VWA3B: variants seen among roughly 807,000 people sequenced by gnomAD.
VWA3B encodes the protein von Willebrand factor A domain-containing protein 3B.
VWA3B carries 138 observed loss-of-function variants against 158.3 expected under a neutral mutation model. The ratio of observed to expected loss-of-function variants is 0.87; its 90% CI spans 0.76 to 1.00. VWA3B has a LOEUF of 1.00. VWA3B is among the 50% of genes least tolerant of loss of function. The pLI is 0.00. For missense variants in VWA3B, 1,555 were observed against 1,565.1 expected, an observed-to-expected ratio of 0.99 and a Z score of 0.11; for synonymous variants, 596 against 587.3, an observed-to-expected ratio of 1.01 and a Z score of -0.21.
At chr2:98,218,088 G>T in intron 14 of VWA3B, 60 bp downstream of exon 14, 4 of 1,508,608 alleles carry the variant, frequency 2.7e-6, no homozygotes, top group Non-Finnish European at 3.5e-6. Context: ...CAGGCTGGCG[G>T]TCCCTGGGTA....
intron 6 of VWA3B, 88 bp downstream of exon 6, chr2:98,128,496 T>A: frequency 1.4e-6 from 2 of 1,391,626 alleles, no homozygotes; most frequent in Non-Finnish European, 2.0e-6. Context: ...TTCGTGGCTT[T>A]AACCAATCTG....
intron 8 of VWA3B, among the ~76,000 whole-genome samples, chr2:98,176,736 C>T (rs550143162): frequency 6.6e-6 from 1 of 152,328 alleles, no homozygotes; most frequent in South Asian, 2.1e-4. Context: ...GTAAGCCCCA[C>T]TGCCCATTCC....
At chr2:98,272,942 G>A (rs1054567325) in intron 22 of VWA3B, among the ~76,000 whole-genome samples, 2 of 152,104 alleles carry the variant, frequency 1.3e-5, no homozygotes, top group Admixed American at 6.6e-5. Context: ...GCCAGGTTAT[G>A]GGCAGCAAGA....
intron 7 of VWA3B, 154 bp downstream of exon 7, chr2:98,134,093 GGTGA>G (rs1676076305): frequency 3.0e-6 from 2 of 656,762 alleles, no homozygotes. Context: ...GGATATTAGT[GGTGA>G]GTTTGTCAGC....
intron 24 of VWA3B, among the ~76,000 whole-genome samples, chr2:98,298,454 A>G (rs1286971426): frequency 4.0e-5 from 6 of 151,744 alleles, no homozygotes; most frequent in Non-Finnish European, 8.8e-5. Context: ...ATGCCATGCC[A>G]TGCCATGCCA....
chr2:98,310,028 C>T (rs904081773), intron 26 of VWA3B, among the ~76,000 whole-genome samples: 4 of 152,204 alleles, frequency 2.6e-5, no homozygotes, highest in African/African-American at 4.8e-5. Context: ...CACAGAGATT[C>T]GCCAGCCTTC....
chr2:98,300,253 G>A (rs751836703), intron 25 of VWA3B, 37 bp downstream of exon 25: 2 of 1,612,602 alleles, frequency 1.2e-6, no homozygotes, highest in African/African-American at 1.3e-5. Context: ...ACTTTCTCCT[G>A]GGCAATGCCA....
At chr2:98,088,729 A>G (rs920006231) in intron 1 of VWA3B, among the ~76,000 whole-genome samples, 1 of 152,036 alleles carries the variant, frequency 6.6e-6, no homozygotes, top group African/African-American at 2.4e-5. Flanking sequence ...AATAAATAGC[A>G]TAGTTTTATC....
intron 2 of VWA3B, among the ~76,000 whole-genome samples, chr2:98,094,284 T>A (rs542644997): frequency 1.5e-3 from 235 of 152,300 alleles, no homozygotes; most frequent in Non-Finnish European, 2.9e-3. Context: ...TATCCTTTTC[T>A]CCATATCCTT....
At chr2:98,089,409 T>C (rs1201760670) in intron 1 of VWA3B, among the ~76,000 whole-genome samples, 2 of 152,038 alleles carry the variant, frequency 1.3e-5, no homozygotes, top group African/African-American at 4.8e-5. Context: ...TCGGGGAGGC[T>C]TAATGGCAGA....
At position 98,092,166 on chromosome 2, in the gene VWA3B, A is replaced by G. The variant is rs1302367105; in HGVS notation, c.-32-895A>G. The stretch of plus-strand genomic sequence containing the variant: ...TGTGGTCTGGTTCCCAACCGCCACC[A>G]GCTCCCAATTAGCCACTACACCTGT... On this transcript the variant is annotated intron_variant, in intron 1 of 27. Coordinates refer to ENST00000477737, the MANE Select transcript of VWA3B (RefSeq NM_144992.5). Among the ~76,000 whole-genome samples the G allele has an allele frequency of 2.6e-5, 4 of 152,350 alleles. No individual in the cohort carries two copies. The East Asian group carries it at 7.7e-4, about 29-fold the overall frequency.
intron 11 of VWA3B, among the ~76,000 whole-genome samples, chr2:98,193,394 G>A (rs953917689): frequency 1.4e-4 from 21 of 152,240 alleles, no homozygotes; most frequent in South Asian, 6.2e-4. Flanking sequence ...CATGGGAGGC[G>A]TGCAGGCTGG....
At position 98,230,172 on chromosome 2, in the gene VWA3B, A is replaced by T. The variant is rs1252332812; in HGVS notation, c.2273A>T (p.Asp758Val). ...TTGAAGGGACCATGGGGCCTTTCAG[A>T]TCAAAAGGTTCAGAAAAAGAAAGTC... is the stretch of plus-strand genomic sequence containing the variant. ...NMLKGPWGLS[D>V]QKVQKKKVLH... Residue 758 changes from aspartate (D) to valine (V), a missense_variant, in exon 16 of 28, where the codon GAT (aspartate) becomes GTT (valine). By Grantham distance (152) the Asp-to-Val change is radical. Transcript: ENST00000477737. 1 of 1,592,186 alleles carries T rather than the reference A, an allele frequency of 6.3e-7. No individual in the cohort carries two copies. The highest frequency in any genetic ancestry group is 8.5e-7 in the Non-Finnish European group (1 of 1,174,290).
intron 2 of VWA3B, among the ~76,000 whole-genome samples, chr2:98,100,087 G>A (rs186825348): frequency 8.5e-5 from 13 of 152,254 alleles, no homozygotes; most frequent in Admixed American, 5.9e-4. Flanking sequence ...TCACTAGCAC[G>A]TTACTATGTT....
rs1466944 is a variant in VWA3B at position 98,312,466 on chromosome 2, A to C, written c.*117A>C. 3.1e-6 allele frequency: 4 copies of C among 1,298,158 alleles called. No individual in the cohort carries two copies. Among genetic ancestry groups the C allele is most frequent in the Non-Finnish European group, 4.1e-6 (4 of 965,160 alleles). The allele number at this position is 1,298,158 out of a possible 1,614,324, so 80.4% of individuals were successfully genotyped here. ...GGTAAGGCCGCCCTCCGCGCCGCCTATGCCTGCCCTGTCTGTAGCAAAGAC... is the reference window on the plus strand; with the variant it reads ...GGTAAGGCCGCCCTCCGCGCCGCCTCTGCCTGCCCTGTCTGTAGCAAAGAC... On this transcript the variant is annotated 3_prime_UTR_variant, in exon 28 of 28. Transcript: ENST00000477737.
intron 15 of VWA3B, among the ~76,000 whole-genome samples, chr2:98,229,786 GT>G (rs1685200891): frequency 1.3e-5 from 2 of 152,178 alleles, no homozygotes; most frequent in South Asian, 4.1e-4. Flanking sequence ...AGAGGATTGA[GT>G]GACTTGACTG....
intron 3 of VWA3B, among the ~76,000 whole-genome samples, chr2:98,118,091 A>C (rs572696798): frequency 6.6e-6 from 1 of 152,320 alleles, no homozygotes; most frequent in East Asian, 1.9e-4. Flanking sequence ...TATCTGTGGA[A>C]TCTTCAGTTT....
At chr2:98,150,754 G>C (rs1677557989) in intron 7 of VWA3B, among the ~76,000 whole-genome samples, 1 of 152,208 alleles carries the variant, frequency 6.6e-6, no homozygotes. Context: ...ATTCTAGACT[G>C]TCTATTCTAA....
At position 98,309,627 on chromosome 2, in the gene VWA3B, C is replaced by A. The variant is rs577025957; in HGVS notation, c.3522-2192C>A. Among the ~76,000 whole-genome samples the A allele has an allele frequency of 2.6e-5, 4 of 152,338 alleles. No individual in the cohort carries two copies. The South Asian group carries it at 8.3e-4, about 32-fold the overall frequency. On this transcript the variant is annotated intron_variant, in intron 26 of 27. Coordinates refer to ENST00000477737, the MANE Select transcript of VWA3B (RefSeq NM_144992.5). Reference sequence around the variant, plus strand: ...GCAGTGTTTAACACTCCTCCCTTGACCCCGTGTAGTGTTGTGGACTCACAT... The same window carrying A: ...GCAGTGTTTAACACTCCTCCCTTGAACCCGTGTAGTGTTGTGGACTCACAT...
Sources: allele counts gnomAD v4.1 joint callset (sites outside exome capture counted in the v4.1 genomes callset), GRCh38; gene constraint gnomAD v4.1.1; transcripts MANE v1.5; gene names NCBI Gene and HGNC (gene_info 2026-07-23, HGNC 2026-07-21).